Variants in ABCC10 observed in about 807,000 individuals in gnomAD.
ABCC10 encodes ATP-binding cassette sub-family C member 10.
ABCC10 carries 110 observed loss-of-function variants against 143.2 expected under a neutral mutation model. The observed-to-expected ratio is 0.77, with a 90% CI of 0.66 to 0.90. ABCC10 has a LOEUF of 0.90. ABCC10 is among the 40% of genes least tolerant of loss of function. The pLI, the probability that ABCC10 is intolerant of heterozygous loss-of-function variation, is 0.00. For synonymous variants in ABCC10, 805 were observed against 846.7 expected (o/e 0.95, Z 0.85); for missense variants, 1,700 against 1,900.5 (o/e 0.89, Z 1.96).
In ABCC10 at chr6:43,438,757, G is replaced by T; in HGVS notation, c.2089G>T (p.Glu697Ter). The T allele has an allele frequency of 6.2e-7, 1 of 1,614,238 alleles. No individual in the cohort carries two copies. The highest frequency in any genetic ancestry group is 8.5e-7 in the Non-Finnish European group (1 of 1,180,048). Residue 697 changes from glutamate (E) to a stop codon, truncating the protein, a stop_gained, in exon 8 of 22, where the codon GAG becomes TAG. Coordinates refer to ENST00000372530, the MANE Select transcript of ABCC10 (RefSeq NM_001198934.2). LOFTEE classifies it high-confidence loss of function. ...GACATTTGATGCACAGCTGTACAAG[G>T]AGGTGCTAGAAGCCTGCGCCCTCAA... ...GKTFDAQLYK[E>*]VLEACALNDD...
At chr6:43,442,730 CAAAA>C (rs113079901) in intron 9 of ABCC10, among the ~76,000 whole-genome samples, 1 of 137,566 alleles carries the variant, frequency 7.3e-6, no homozygotes, top group South Asian at 2.3e-4. Flanking sequence ...GACCATGTCT[CAAAA>C]AAAAAAAAAA....
At chr6:43,429,423 G>A (rs1780893441) in intron 2 of ABCC10, among the ~76,000 whole-genome samples, 1 of 140,844 alleles carries the variant, frequency 7.1e-6, no homozygotes, top group Non-Finnish European at 1.6e-5. Flanking sequence ...GGGGGGGAGG[G>A]GGGATTGTTA....
Position 43,432,118 on chromosome 6 carries a change from C to T in ABCC10, c.162-24C>T, listed in dbSNP as rs1441410238. 1.9e-6 allele frequency: 3 copies of T among 1,610,284 alleles called. No individual in the cohort carries two copies. The South Asian group carries it at 3.3e-5, about 18-fold the overall frequency. On this transcript the variant is annotated intron_variant, in intron 2 of 21. Transcript: ENST00000372530. ...CTCCTGAGTCAGCCACGATGTGCCT[C>T]CTTGTCTTCCCCCTTGTCCCCAGGA...
Position 43,444,172 on chromosome 6 carries a change from A to G in ABCC10, c.2508A>G (p.Ser836=). 1.9e-6 allele frequency: 3 copies of G among 1,613,226 alleles called. No individual in the cohort carries two copies. The highest frequency in any genetic ancestry group is 2.5e-6 in the Non-Finnish European group (3 of 1,179,454). ...TGATTCTCACAGCCACAGCCCAGTC[A>G]GTACAGAACCCAGAGAAAACAAAGG... ...GQESDSATAQ[S]VQNPEKTKEG... The change falls in exon 12 of 22, where the codon TCA becomes TCG. Residue 836 remains serine, a synonymous_variant. Transcript: ENST00000372530.
chr6:43,443,306 G>A lies in ABCC10; in HGVS notation c.2416+147G>A, dbSNP rs2127403839. 1 of 816,950 alleles carries A rather than the reference G, an allele frequency of 1.2e-6. No homozygotes were observed. Among genetic ancestry groups the A allele is most frequent in the East Asian group, 2.9e-5 (1 of 34,460 alleles). 50.6% of individuals were successfully genotyped at this position (816,950 alleles called of 1,614,324 possible). ...CTTCACAGAACTGGTGTGAGGAACTGGGAGAACAGGAGGGAAAAGGAGTAC... is the reference window on the plus strand; with the variant it reads ...CTTCACAGAACTGGTGTGAGGAACTAGGAGAACAGGAGGGAAAAGGAGTAC... On this transcript the variant is annotated intron_variant, in intron 10 of 21. Coordinates refer to ENST00000372530, the MANE Select transcript of ABCC10 (RefSeq NM_001198934.2). The surrounding 1 kb of genome is among the most constrained non-coding windows in gnomAD (Gnocchi z 4.2).
intron 16 of ABCC10, chr6:43,446,782 C>G: frequency 8.4e-7 from 1 of 1,191,676 alleles, no homozygotes. Context: ...CCACCCCCTG[C>G]CCTGCATCTG....
Position 43,441,846 on chromosome 6 carries a change from G to T in ABCC10, c.2128-16G>T, listed in dbSNP as rs557572016. ...AATGGGAGCTCCCTGACCCACTGGGGCACCTGTTCCATCAGATCCTGCCTG... is the reference window on the plus strand; with the variant it reads ...AATGGGAGCTCCCTGACCCACTGGGTCACCTGTTCCATCAGATCCTGCCTG... On this transcript the variant is annotated splice_polypyrimidine_tract_variant and intron_variant, in intron 8 of 21. Transcript: ENST00000372530. 3.1e-6 allele frequency: 5 copies of T among 1,609,156 alleles called. No homozygotes were observed. The highest frequency in any genetic ancestry group is 4.2e-6 in the Non-Finnish European group (5 of 1,177,034).
chr6:43,445,833 T>G lies in ABCC10; in HGVS notation c.3265T>G (p.Ser1089Ala). 1 of 1,614,114 alleles carries G rather than the reference T, an allele frequency of 6.2e-7. No individual in the cohort carries two copies. Among genetic ancestry groups the G allele is most frequent in the Non-Finnish European group, 8.5e-7 (1 of 1,180,024 alleles). Residue 1089 changes from serine (S) to alanine (A), a missense_variant, in exon 15 of 22, where the codon TCA becomes GCA. Coordinates refer to ENST00000372530, the MANE Select transcript of ABCC10 (RefSeq NM_001198934.2). ...CGTGCAGCGCCACTACAGGGCCTCC[T>G]CACGGGAGCTGCGGCGCCTGGGCAG... is the stretch of plus-strand genomic sequence containing the variant. ...YHVQRHYRAS[S>A]RELRRLGSLT...
intron 7 of ABCC10, 26 bp from the exon 8 acceptor site, chr6:43,438,598 C>T: frequency 6.2e-7 from 1 of 1,611,084 alleles, no homozygotes; most frequent in Non-Finnish European, 8.5e-7. Context: ...AGCTGGTCCT[C>T]ATATTGCTCG....
intron 8 of ABCC10, among the ~76,000 whole-genome samples, chr6:43,439,390 T>C (rs1782086955): frequency 7.4e-6 from 1 of 135,994 alleles, no homozygotes; most frequent in Non-Finnish European, 1.6e-5. Flanking sequence ...TTTTATTACT[T>C]TTTTAAAATT....
chr6:43,444,819 C>A lies in ABCC10; in HGVS notation c.2721C>A (p.Ser907=). Residue 907 remains serine (S), a synonymous_variant, in exon 13 of 22, where the codon TCC becomes TCA. Transcript: ENST00000372530. The part of the protein sequence containing the change: ...ATRNAADWWL[S]HWISQLKAEN... The stretch of plus-strand genomic sequence containing the variant: ...GGAACGCTGCTGACTGGTGGCTCTC[C>A]CACTGGATCTCTCAGCTGAAGGCTG... The A allele has an allele frequency of 6.2e-7, 1 of 1,610,488 alleles. No individual in the cohort carries two copies. Among genetic ancestry groups the A allele is most frequent in the East Asian group, 2.2e-5 (1 of 44,862 alleles).
At position 43,437,927 on chromosome 6, in the gene ABCC10, C is replaced by T. The variant is rs831311; in HGVS notation, c.1876-7C>T. On this transcript the variant is annotated splice_region_variant and splice_polypyrimidine_tract_variant and intron_variant, in intron 6 of 21. Coordinates refer to ENST00000372530, the MANE Select transcript of ABCC10 (RefSeq NM_001198934.2). The stretch of plus-strand genomic sequence containing the variant: ...CAATAGCAGATGCTTGTGTGGCTTC[C>T]TTGCAGGGTATGCTGGTGGGCATCG... 10,149 of 1,611,818 alleles carry T rather than the reference C, an allele frequency of 6.3e-3. 533 individuals are homozygous for T. In the African/African-American group the frequency reaches 0.12, roughly 18 times the overall value.
Position 43,432,955 on chromosome 6 carries a change from C to T in ABCC10, c.975C>T (p.Leu325=), listed in dbSNP as rs758960596. The T allele has an allele frequency of 2.5e-6, 4 of 1,614,146 alleles. No individual in the cohort carries two copies. Among genetic ancestry groups the T allele is most frequent in the South Asian group, 2.2e-5 (2 of 91,084 alleles). ...EGQEPLSHGL[L]YALGLAGGAV... is the part of the protein sequence containing the mutation. ...AGGAGCCACTAAGCCACGGCCTGCT[C>T]TATGCTCTGGGGCTAGCCGGTGGGG... The change falls in exon 3 of 22, where the codon CTC becomes CTT. Residue 325 remains leucine (L), a synonymous_variant. Transcript: ENST00000372530.
chr6:43,442,875 C>T, intron 9 of ABCC10, 95 bp from the exon 10 acceptor site: 2 of 1,177,420 alleles, frequency 1.7e-6, no homozygotes, highest in South Asian at 1.6e-5. Context: ...GGGTAGCCCC[C>T]AGAGTTTCTC....
At position 43,441,777 on chromosome 6, in the gene ABCC10, C is replaced by G. The variant is rs1782499890; in HGVS notation, c.2128-85C>G. On this transcript the variant is annotated intron_variant, in intron 8 of 21. Transcript: ENST00000372530. ...TCCTCAAGCTCCCTACTTCTCTTGA[C>G]TCCCACTATCTCCTGCAAAGGGATA... The G allele has an allele frequency of 2.7e-6, 3 of 1,115,506 alleles. No homozygotes were observed. In the South Asian group the frequency reaches 4.4e-5, roughly 16 times the overall value. The allele number at this position is 1,115,506 out of a possible 1,614,324, so 69.1% of individuals were successfully genotyped here. A position where few individuals can be genotyped will look rare whatever the true frequency, so the allele number is the denominator to read the frequency against.
chr6:43,448,052 G>T, intron 18 of ABCC10, 115 bp downstream of exon 18: 3 of 1,494,712 alleles, frequency 2.0e-6, no homozygotes, highest in Non-Finnish European at 2.7e-6. Context: ...CTGATCAGGG[G>T]GCTGAAATGG....
In ABCC10 at chr6:43,447,930, C is replaced by T; in HGVS notation, c.3952C>T (p.Gln1318Ter). The T allele has an allele frequency of 6.2e-7, 1 of 1,613,044 alleles. No individual in the cohort carries two copies. The highest frequency in any genetic ancestry group is 8.5e-7 in the Non-Finnish European group (1 of 1,179,972). The change falls in exon 18 of 22, where the codon CAG (glutamine) becomes TAG (stop). Residue 1318 changes from glutamine to a stop codon, truncating the protein, a stop_gained. Coordinates refer to ENST00000372530, the MANE Select transcript of ABCC10 (RefSeq NM_001198934.2). LOFTEE classifies it high-confidence loss of function. ...GGACACCAGCCAGCTGGAGCTGGCC[C>T]AGCTCAGGTCTGGGGGAGATGGACT... ...GVDTSQLELAQLRSQLAIIPQ... is the reference protein window; with the variant it reads ...GVDTSQLELA
At chr6:43,450,571 G>A (rs990035946), downstream of ABCC10, 3 of 1,575,152 alleles carry the variant, frequency 1.9e-6, no homozygotes, top group Non-Finnish European at 2.6e-6. This position sits in a 1 kb window ranked among gnomAD's most constrained non-coding sequence, Gnocchi z 4.5. Context: ...GGCTCAGGGG[G>A]CAAGTCACGT....
At position 43,433,906 on chromosome 6, in the gene ABCC10, C is replaced by A. The variant is rs74561112; in HGVS notation, c.1380+546C>A. Among the ~76,000 whole-genome samples, 719 of 152,366 alleles carry A rather than the reference C, an allele frequency of 4.7e-3. 8 individuals are homozygous for A. Among genetic ancestry groups the A allele is most frequent in the African/African-American group, 0.016 (676 of 41,584 alleles). ...CCAGGTGTTTAGGGTTTGGCTGAATCTGCAGAGCTCTGGGTTCTGCAGTGA... is the reference window on the plus strand; with the variant it reads ...CCAGGTGTTTAGGGTTTGGCTGAATATGCAGAGCTCTGGGTTCTGCAGTGA... On this transcript the variant is annotated intron_variant, in intron 3 of 21. Coordinates refer to ENST00000372530, the MANE Select transcript of ABCC10 (RefSeq NM_001198934.2).
Sources: gnomAD v4.1 joint callset for allele counts (sites outside exome capture counted in the v4.1 genomes callset) on GRCh38, gnomAD v4.1.1 for gene constraint, Gnocchi (gnomAD v3.1) non-coding constraint, MANE v1.5 for transcripts, NCBI Gene and HGNC (gene_info 2026-07-23, HGNC 2026-07-21) for gene names.